The following GALNTL6 variants were observed in gnomAD, a reference collection of about 807,000 sequenced individuals.
GALNTL6 encodes polypeptide N-acetylgalactosaminyltransferase like 6, also known as polypeptide N-acetylgalactosaminyltransferase-like 6.
GALNTL6 carries 46 observed loss-of-function variants against 73.7 expected under a neutral mutation model. The ratio of observed to expected loss-of-function variants is 0.62; its 90% CI spans 0.49 to 0.80. The LOEUF (loss-of-function observed/expected upper bound fraction) is 0.80. GALNTL6 is among the 30% of genes least tolerant of loss of function. The probability of loss-of-function intolerance (pLI) is 0.00; values close to 1 mark genes in which losing one functional copy is unlikely to be tolerated. For missense variants in GALNTL6, 604 were observed against 755.0 expected (o/e 0.80, Z 2.34); for synonymous variants, 259 against 263.7 (o/e 0.98, Z 0.17).
intron 5 of GALNTL6, among the ~76,000 whole-genome samples, chr4:172,516,466 C>A (rs1254834598): frequency 1.3e-5 from 2 of 152,108 alleles, no homozygotes; most frequent in South Asian, 2.1e-4. Context: ...CTTTTTATAT[C>A]ATTGTCCTCC....
In GALNTL6 at chr4:172,567,434, G is replaced by GA. The variant is rs535118496; in HGVS notation, c.553+218754dup. ...AGAATATGTAAAATCCTCTAAGAAA[G>GA]AAAAAAAAATCATACATAATTTCAC... On this transcript the variant is annotated intron_variant, in intron 5 of 12. Transcript: ENST00000506823. Among the ~76,000 whole-genome samples the GA allele has an allele frequency of 1.8e-3, 265 of 150,410 alleles. 11 individuals are homozygous for GA. The South Asian group carries it at 0.048, about 27-fold the overall frequency.
intron 8 of GALNTL6, among the ~76,000 whole-genome samples, chr4:172,897,827 T>G (rs371216052): frequency 1.4e-4 from 22 of 152,302 alleles, no homozygotes; most frequent in African/African-American, 5.3e-4. Flanking sequence ...ATTTTGCCAT[T>G]TTGGTGATGT....
At chr4:172,459,486 T>C (rs1265835463) in intron 5 of GALNTL6, among the ~76,000 whole-genome samples, 1 of 152,226 alleles carries the variant, frequency 6.6e-6, no homozygotes, top group Admixed American at 6.5e-5. Context: ...GCCCAAAATC[T>C]TCTTAAGCTG....
At chr4:173,034,492 C>T (rs1753604876) in intron 12 of GALNTL6, among the ~76,000 whole-genome samples, 1 of 152,146 alleles carries the variant, frequency 6.6e-6, no homozygotes, top group African/African-American at 2.4e-5. Context: ...GGCACAAGAC[C>T]CAACCTCCAT....
chr4:172,457,664 C>G (rs1281068264), intron 5 of GALNTL6, among the ~76,000 whole-genome samples: 1 of 152,050 alleles, frequency 6.6e-6, no homozygotes, highest in Admixed American at 6.6e-5. Flanking sequence ...GCTAACTATC[C>G]TAAATATATA....
At chr4:172,427,799 TA>T (rs1354220481) in intron 5 of GALNTL6, among the ~76,000 whole-genome samples, 1 of 152,194 alleles carries the variant, frequency 6.6e-6, no homozygotes, top group East Asian at 1.9e-4. Context: ...TAAAACACCG[TA>T]ACTATATTTT....
chr4:172,548,886 C>T (rs6844055), intron 5 of GALNTL6, among the ~76,000 whole-genome samples: 126,615 of 152,080 alleles, frequency 0.83, 52,826 homozygotes, highest in Non-Finnish European at 0.87. Flanking sequence ...TTTTTCAGGC[C>T]CCTTTTAAAA....
chr4:172,221,306 C>T (rs1375938105), intron 2 of GALNTL6, among the ~76,000 whole-genome samples: 2 of 151,370 alleles, frequency 1.3e-5, no homozygotes, highest in Non-Finnish European at 3.0e-5. Context: ...GGAGAACAAC[C>T]GAGAATGCTG....
At chr4:171,860,673 C>A (rs555930765) in intron 2 of GALNTL6, among the ~76,000 whole-genome samples, 1 of 152,268 alleles carries the variant, frequency 6.6e-6, no homozygotes, top group East Asian at 1.9e-4. Flanking sequence ...TCTTCCTTAA[C>A]AGGGTGTTGA....
chr4:172,308,133 A>C (rs1353375992), intron 3 of GALNTL6, among the ~76,000 whole-genome samples: 1 of 143,206 alleles, frequency 7.0e-6, no homozygotes, highest in African/African-American at 2.5e-5. Context: ...GATTTTGTAT[A>C]CCGAAACTTT....
At chr4:172,992,969 G>A (rs1020723522) in intron 10 of GALNTL6, among the ~76,000 whole-genome samples, 1 of 152,132 alleles carries the variant, frequency 6.6e-6, no homozygotes, top group Admixed American at 6.5e-5. Flanking sequence ...AACAAGGGCA[G>A]CTTGGAGGTT....
In GALNTL6 at chr4:172,720,480, C is replaced by G. The variant is rs187204069; in HGVS notation, c.554-88881C>G. ...GCTAGTTAGTTTCTCCAGGTTCCCC[C>G]CTCCCACCTGGTTGTCTCAGTTTTA... is the stretch of plus-strand genomic sequence containing the variant. On this transcript the variant is annotated intron_variant, in intron 5 of 12. Coordinates refer to ENST00000506823, the MANE Select transcript of GALNTL6 (RefSeq NM_001034845.3). Among the ~76,000 whole-genome samples, 4 of 152,258 alleles carry G rather than the reference C, an allele frequency of 2.6e-5. No homozygotes were observed. The East Asian group carries it at 7.7e-4, about 29-fold the overall frequency.
intron 12 of GALNTL6, among the ~76,000 whole-genome samples, chr4:173,028,543 C>T (rs1561095616): frequency 6.6e-6 from 1 of 152,186 alleles, no homozygotes; most frequent in Admixed American, 6.5e-5. Context: ...ACATACTTAG[C>T]CCCCTCACCC....
intron 8 of GALNTL6, among the ~76,000 whole-genome samples, chr4:172,886,690 G>T (rs1745739330): frequency 1.3e-5 from 2 of 151,950 alleles, no homozygotes; most frequent in South Asian, 4.2e-4. Context: ...TTGAACCCGG[G>T]AGGCAGAAGT....
chr4:172,473,794 CT>C (rs1733136515), intron 5 of GALNTL6, among the ~76,000 whole-genome samples: 1 of 152,140 alleles, frequency 6.6e-6, no homozygotes. Context: ...ATCTGTATGC[CT>C]CTGACTCCCA....
intron 2 of GALNTL6, among the ~76,000 whole-genome samples, chr4:172,087,450 A>AAC (rs1732078965): frequency 6.8e-6 from 1 of 147,790 alleles, no homozygotes; most frequent in Non-Finnish European, 1.5e-5. Flanking sequence ...ATCCCAAAAA[A>AAC]AAAAAAAACA....
chr4:172,740,895 A>T (rs1164547417), intron 5 of GALNTL6, among the ~76,000 whole-genome samples: 1 of 152,134 alleles, frequency 6.6e-6, no homozygotes, highest in Admixed American at 6.6e-5. Flanking sequence ...AATCAAGCGT[A>T]TATTTTAAAT....
chr4:172,524,562 T>G (rs1031056254), intron 5 of GALNTL6, among the ~76,000 whole-genome samples: 1 of 152,210 alleles, frequency 6.6e-6, no homozygotes, highest in Non-Finnish European at 1.5e-5. Context: ...CATAGACACT[T>G]GAATATCCCG....
At chr4:171,895,998 C>A (rs772039281) in intron 2 of GALNTL6, among the ~76,000 whole-genome samples, 1 of 151,292 alleles carries the variant, frequency 6.6e-6, no homozygotes, top group Non-Finnish European at 1.5e-5. Context: ...CAAAATAGAT[C>A]AACAGAAATG....
Sources: allele counts gnomAD v4.1 joint callset (sites outside exome capture counted in the v4.1 genomes callset), GRCh38; gene constraint gnomAD v4.1.1; transcripts MANE v1.5; gene names NCBI Gene and HGNC (gene_info 2026-07-23, HGNC 2026-07-21).